The following EPSTI1 variants were observed in gnomAD, a reference collection of about 807,000 sequenced individuals.
EPSTI1 encodes epithelial stromal interaction 1, also known as epithelial-stromal interaction protein 1.
Under a neutral mutation model 49.9 loss-of-function variants are expected in EPSTI1, and 66 were observed. That is an observed-to-expected ratio of 1.32 (90% CI 1.08 to 1.62). The LOEUF (loss-of-function observed/expected upper bound fraction) is 1.62, where lower values mean the gene tolerates loss of function less well. EPSTI1 is among the 40% of genes most tolerant of loss of function. EPSTI1 has a pLI of 0.00. For missense variants in EPSTI1, 394 were observed against 365.5 expected (o/e 1.08, Z -0.64); for synonymous variants, 137 against 130.7 (o/e 1.05, Z -0.33).
At chr13:42,904,786 T>C (rs1025414842) in intron 8 of EPSTI1, among the ~76,000 whole-genome samples, 3 of 152,154 alleles carry the variant, frequency 2.0e-5, no homozygotes, top group African/African-American at 4.8e-5. Context: ...GCCGTTTTCT[T>C]AGGACGCTTC....
In EPSTI1 at chr13:42,939,185, T is replaced by C. The variant is rs117981053; in HGVS notation, c.564-12756A>G. On this transcript the variant is annotated intron_variant, in intron 6 of 10. Transcript: ENST00000313624. ...TAGCTTAGGCTTTGGCTTAAGGGAA[T>C]GTTTTGGCTGGTCTGATCTTCTATC... Among the ~76,000 whole-genome samples, 61 of 152,358 alleles carry C rather than the reference T, an allele frequency of 4.0e-4. No individual in the cohort carries two copies. In the East Asian group the frequency reaches 0.011, roughly 27 times the overall value.
intron 1 of EPSTI1, among the ~76,000 whole-genome samples, chr13:42,978,713 CCATAGATA>C (rs1269049224): frequency 6.6e-6 from 1 of 151,888 alleles, no homozygotes; most frequent in Non-Finnish European, 1.5e-5. Flanking sequence ...ATAAAGAAAG[CCATAGATA>C]CTTACTTAAG....
chr13:42,890,302 T>TTTC (rs2036995739), intron 10 of EPSTI1, among the ~76,000 whole-genome samples: 3 of 148,326 alleles, frequency 2.0e-5, no homozygotes, highest in Non-Finnish European at 3.0e-5. Flanking sequence ...TTTTCTTTTT[T>TTTC]TTTTTTTTTT....
At chr13:42,929,288 T>G (rs2038285682) in intron 6 of EPSTI1, among the ~76,000 whole-genome samples, 1 of 152,192 alleles carries the variant, frequency 6.6e-6, no homozygotes, top group South Asian at 2.1e-4. Flanking sequence ...AAACATCATC[T>G]CCTCTAAGTG....
chr13:42,960,674 G>T (rs1483716996), intron 5 of EPSTI1, among the ~76,000 whole-genome samples: 2 of 152,196 alleles, frequency 1.3e-5, no homozygotes, highest in African/African-American at 4.8e-5. Context: ...AAATCAAGGT[G>T]CCAGAAAGGC....
At position 42,936,571 on chromosome 13, in the gene EPSTI1, C is replaced by T. The variant is rs376264668; in HGVS notation, c.564-10142G>A. ...TTGCCCGACTTCTCGGATGTCCTTT[C>T]GTATCTACCCGAACTCTACATGATA... is the stretch of plus-strand genomic sequence containing the variant. On this transcript the variant is annotated intron_variant, in intron 6 of 10. Coordinates refer to ENST00000313624, the MANE Select transcript of EPSTI1 (RefSeq NM_033255.5). Among the ~76,000 whole-genome samples, 8 of 152,216 alleles carry T rather than the reference C, an allele frequency of 5.3e-5. No homozygotes were observed. The East Asian group carries it at 5.8e-4, about 11-fold the overall frequency.
intron 1 of EPSTI1, among the ~76,000 whole-genome samples, chr13:42,976,469 G>T (rs1166027761): frequency 6.6e-6 from 1 of 152,138 alleles, no homozygotes; most frequent in East Asian, 1.9e-4. Context: ...TCCAGCAAGA[G>T]AATATTTAGT....
At chr13:42,902,197 T>C (rs1480527274) in intron 8 of EPSTI1, among the ~76,000 whole-genome samples, 2 of 152,034 alleles carry the variant, frequency 1.3e-5, no homozygotes, top group African/African-American at 4.8e-5. Flanking sequence ...CCCAACTTCC[T>C]CTCATAGTAC....
rs1042275409 is a variant in EPSTI1 at position 42,889,216 on chromosome 13, G to A, written c.916-714C>T. The A allele has an allele frequency of 3.2e-6, 5 of 1,570,022 alleles. No homozygotes were observed. In the African/African-American group the frequency reaches 5.5e-5, roughly 17 times the overall value. On this transcript the variant is annotated intron_variant, in intron 10 of 10. Transcript: ENST00000313624. ...GATGTTTTTAAGTGACCCACCTTAGGTGCCTCGAAAAAACTAATAGAGAAC... is the reference window on the plus strand; with the variant it reads ...GATGTTTTTAAGTGACCCACCTTAGATGCCTCGAAAAAACTAATAGAGAAC...
intron 8 of EPSTI1, among the ~76,000 whole-genome samples, chr13:42,911,294 T>TGC (rs1385887909): frequency 8.5e-6 from 1 of 117,638 alleles, no homozygotes; most frequent in Non-Finnish European, 2.0e-5. Flanking sequence ...CGTGTGTGAG[T>TGC]GTGCACATGC....
chr13:42,968,978 G>T, intron 3 of EPSTI1, 116 bp downstream of exon 3: 1 of 865,466 alleles, frequency 1.2e-6, no homozygotes. Flanking sequence ...CACCCAAGCA[G>T]CACAATGACC....
intron 8 of EPSTI1, among the ~76,000 whole-genome samples, chr13:42,903,084 G>A (rs959796176): frequency 2.6e-5 from 4 of 151,922 alleles, no homozygotes; most frequent in South Asian, 2.1e-4. Context: ...GCAACTTCTG[G>A]TATCTGGCCC....
Position 42,917,637 on chromosome 13 carries a change from A to AAATAT in EPSTI1, c.658-14_658-13insATATT. On this transcript the variant is annotated splice_polypyrimidine_tract_variant and intron_variant, in intron 7 of 10. Coordinates refer to ENST00000313624, the MANE Select transcript of EPSTI1 (RefSeq NM_033255.5). ...CCCAGCTTCTGGCCTGTAAAGGTAC[A>AAATAT]AAGAGAAAAAAAAAAAAAAAAACAA... The AAATAT allele has an allele frequency of 8.0e-7, 1 of 1,256,402 alleles. No homozygotes were observed. Among genetic ancestry groups the AAATAT allele is most frequent in the Non-Finnish European group, 1.1e-6 (1 of 915,020 alleles). 77.8% of individuals were successfully genotyped at this position (1,256,402 alleles called of 1,614,324 possible).
At chr13:42,983,971 A>G (rs1192963569) in intron 1 of EPSTI1, among the ~76,000 whole-genome samples, 1 of 152,242 alleles carries the variant, frequency 6.6e-6, no homozygotes, top group African/African-American at 2.4e-5. Context: ...CCAATGCTTC[A>G]TTACATTTCT....
intron 8 of EPSTI1, among the ~76,000 whole-genome samples, chr13:42,909,360 A>C (rs1412047210): frequency 6.6e-6 from 1 of 152,186 alleles, no homozygotes; most frequent in Non-Finnish European, 1.5e-5. Flanking sequence ...TAGTACAGCC[A>C]TTATGAAAAG....
intron 10 of EPSTI1, chr13:42,889,126 T>C: frequency 2.7e-6 from 3 of 1,097,912 alleles, no homozygotes; most frequent in Non-Finnish European, 4.0e-6. Context: ...AGACATAGGA[T>C]TTAGAGTTTC....
rs1323864 is a variant in EPSTI1 at position 42,889,163 on chromosome 13, T to C, written c.916-661A>G. ...ACAGCATCCCAAAGAGCCTCACCTA[T>C]TGTATCAGAGGAAATATTATTTAAA... On this transcript the variant is annotated intron_variant, in intron 10 of 10. Coordinates refer to ENST00000313624, the MANE Select transcript of EPSTI1 (RefSeq NM_033255.5). 0.53 allele frequency: 768,282 copies of C among 1,457,284 alleles called. 209,104 individuals carry two copies. Among genetic ancestry groups the C allele is most frequent in the East Asian group, 0.82 (34,985 of 42,884 alleles). The allele number at this position is 1,457,284 out of a possible 1,614,324, so 90.3% of individuals were successfully genotyped here.
chr13:42,974,115 C>A (rs181871489), intron 1 of EPSTI1, among the ~76,000 whole-genome samples: 1 of 151,676 alleles, frequency 6.6e-6, no homozygotes, highest in African/African-American at 2.4e-5. Flanking sequence ...GCGGGTGGAT[C>A]ACTTGAGGTC....
chr13:42,972,131 T>C (rs991592016), intron 1 of EPSTI1, among the ~76,000 whole-genome samples: 8 of 152,142 alleles, frequency 5.3e-5, no homozygotes, highest in African/African-American at 1.9e-4. Context: ...AAACATCAGA[T>C]ACGAGACGTA....
Sources: gnomAD v4.1 joint callset for allele counts (sites outside exome capture counted in the v4.1 genomes callset) on GRCh38, gnomAD v4.1.1 for gene constraint, MANE v1.5 for transcripts, NCBI Gene and HGNC (gene_info 2026-07-23, HGNC 2026-07-21) for gene names.